Variants in HUWE1 observed in about 807,000 individuals in gnomAD.
The protein encoded by HUWE1 is E3 ubiquitin-protein ligase HUWE1.
In HUWE1, 18 loss-of-function variants were observed where a neutral mutation model predicts 299.4. That is an observed-to-expected ratio of 0.06 (90% confidence interval 0.04 to 0.09). The LOEUF is 0.09. Among genes scored for constraint, HUWE1 ranks in the 10% least tolerant of loss-of-function variants. The pLI is 1.00. For synonymous variants in HUWE1, 1,317 were observed against 1,286.1 expected (o/e 1.02, Z -0.51); for missense variants, 1,832 against 3,462.3 (o/e 0.53, Z 11.82).
At chrX:53,567,461 C>A (rs1192498563) in intron 49 of HUWE1, among the ~76,000 whole-genome samples, 1 of 111,144 alleles carries the variant, frequency 9.0e-6, no homozygotes, top group South Asian at 3.8e-4. Context: ...CATGAAAAGT[C>A]GAGTCCATAA....
At chrX:53,627,549 G>A in intron 16 of HUWE1, 34 bp from the exon 17 acceptor site, 1 of 738,849 alleles carries the variant, frequency 1.4e-6, no homozygotes, top group Non-Finnish European at 2.0e-6. Flanking sequence ...AGAAAATCAA[G>A]TATATATATA....
chrX:53,536,520 T>C lies in HUWE1; in HGVS notation c.12285A>G (p.Pro4095=), dbSNP rs1453838026. 2 of 1,209,174 alleles carry C rather than the reference T, an allele frequency of 1.7e-6. No individual in the cohort carries two copies. The highest frequency in any genetic ancestry group is 3.5e-5 in the African/African-American group (2 of 56,905). The change falls in exon 79 of 84, where the codon CCA becomes CCG. Residue 4095 remains proline, a synonymous_variant. Transcript: ENST00000262854. ...GGTGGTTGGGGTTGCAGTGGGAAGA[T>C]GGATTGATGGTGTAGGTGACTCGAT... ...PGDRVTYTIN[P]SSHCNPNHLS...
intron 32 of HUWE1, 88 bp from the exon 33 acceptor site, chrX:53,592,716 T>C: frequency 4.6e-6 from 3 of 655,806 alleles, no homozygotes; most frequent in Non-Finnish European, 4.9e-6. Flanking sequence ...GGAACAGTCC[T>C]TCCACAACTA....
chrX:53,536,469 G>A lies in HUWE1; in HGVS notation c.12336C>T (p.Arg4112=). ...TGTCATATACAGCTTTGGCCACAATGCGTCCGACAAACTTGAAGTAGCTGA... is the reference window on the plus strand; with the variant it reads ...TGTCATATACAGCTTTGGCCACAATACGTCCGACAAACTTGAAGTAGCTGA... ...NHLSYFKFVG[R]IVAKAVYDNR... Residue 4112 remains arginine, a synonymous_variant, in exon 79 of 84, where the codon CGC becomes CGT. Transcript: ENST00000262854. 2 of 1,210,941 alleles carry A rather than the reference G, an allele frequency of 1.7e-6. No homozygotes were observed. Among genetic ancestry groups the A allele is most frequent in the Non-Finnish European group, 2.2e-6 (2 of 894,888 alleles).
intron 3 of HUWE1, among the ~76,000 whole-genome samples, chrX:53,662,538 C>T (rs1450059766): frequency 6.3e-5 from 7 of 111,862 alleles, no homozygotes; most frequent in African/African-American, 2.3e-4. Flanking sequence ...CAGTTTATTT[C>T]CAATTTCCTT....
intron 19 of HUWE1, among the ~76,000 whole-genome samples, chrX:53,617,655 C>T (rs1418956044): frequency 1.8e-5 from 2 of 111,410 alleles, no homozygotes; most frequent in Middle Eastern, 4.6e-3. Context: ...TTTTTATGGG[C>T]ATATTTTTAC....
intron 25 of HUWE1, among the ~76,000 whole-genome samples, chrX:53,605,993 ACTC>A (rs1297325355): frequency 1.8e-5 from 2 of 111,636 alleles, no homozygotes; most frequent in African/African-American, 6.5e-5. Flanking sequence ...AAGTTATAAA[ACTC>A]CTAGAAGAAG....
chrX:53,554,911 G>A lies in HUWE1; in HGVS notation c.8216C>T (p.Pro2739Leu). The change falls in exon 61 of 84, where the codon CCT becomes CTT. Residue 2739 changes from proline to leucine, a missense_variant. Pro to Leu is a moderately conservative substitution (Grantham distance 98). Transcript: ENST00000262854. ...STEQNLSDGTPMPDSYPTTPS... is the reference protein window; with the variant it reads ...STEQNLSDGTLMPDSYPTTPS... ...GGTTGTTGGGTAGCTGTCAGGCATA[G>A]GCGTCCCATCTTTCTCGGAAAGAAC... is the stretch of plus-strand genomic sequence containing the variant. The A allele has an allele frequency of 8.5e-7, 1 of 1,171,382 alleles. No individual in the cohort carries two copies. Among genetic ancestry groups the A allele is most frequent in the Non-Finnish European group, 1.1e-6 (1 of 873,695 alleles).
At chrX:53,624,154 T>C (rs1461554538) in intron 19 of HUWE1, among the ~76,000 whole-genome samples, 2 of 111,185 alleles carry the variant, frequency 1.8e-5, no homozygotes, top group Non-Finnish European at 3.8e-5. Flanking sequence ...TTGTCTACTG[T>C]CCAGGTAGAC....
At chrX:53,580,263 A>G (rs2063551389) in intron 43 of HUWE1, among the ~76,000 whole-genome samples, 2 of 112,176 alleles carry the variant, frequency 1.8e-5, no homozygotes. Context: ...TTTTATCTGG[A>G]TCCACAGCCC....
intron 13 of HUWE1, 132 bp from the exon 14 acceptor site, chrX:53,629,034 G>T: frequency 3.8e-6 from 2 of 532,850 alleles, no homozygotes; most frequent in Non-Finnish European, 6.2e-6. Context: ...ATGGAGGTCT[G>T]TTGAGAGCAA....
chrX:53,542,758 G>A, intron 73 of HUWE1: 1 of 419,722 alleles, frequency 2.4e-6, no homozygotes, highest in East Asian at 4.2e-5. Context: ...ACAGCTCCTT[G>A]GATGCTTACA....
intron 23 of HUWE1, among the ~76,000 whole-genome samples, chrX:53,614,055 G>A (rs1277355999): frequency 9.0e-6 from 1 of 110,917 alleles, no homozygotes; most frequent in African/African-American, 3.3e-5. Context: ...ACCTGACGTC[G>A]GGAGTTTGAG....
intron 78 of HUWE1, among the ~76,000 whole-genome samples, chrX:53,536,942 G>C (rs1320001014): frequency 4.5e-5 from 5 of 112,276 alleles, no homozygotes; most frequent in African/African-American, 1.6e-4. Flanking sequence ...ATGAGGCCTT[G>C]CTTAGGTGAA....
At chrX:53,614,934 A>C (rs893596731) in intron 22 of HUWE1, among the ~76,000 whole-genome samples, 189 bp from the exon 23 acceptor site, 1 of 111,033 alleles carries the variant, frequency 9.0e-6, no homozygotes, top group Non-Finnish European at 1.9e-5. Flanking sequence ...GAAGTGCTGC[A>C]AACTTAAATA....
chrX:53,589,415 G>A (rs1011418681), intron 36 of HUWE1, 132 bp downstream of exon 36: 5 of 636,492 alleles, frequency 7.9e-6, no homozygotes, highest in African/African-American at 6.5e-5. Flanking sequence ...TTACCAGATC[G>A]AAAGAATCCA....
intron 9 of HUWE1, 99 bp from the exon 10 acceptor site, chrX:53,631,713 A>C: frequency 6.7e-6 from 4 of 593,441 alleles, no homozygotes; most frequent in Non-Finnish European, 1.2e-5. Context: ...CCAAGATGTC[A>C]CCTAATAGGC....
chrX:53,598,091 C>T (rs1182284423), intron 29 of HUWE1, among the ~76,000 whole-genome samples: 2 of 111,678 alleles, frequency 1.8e-5, no homozygotes, highest in African/African-American at 6.5e-5. Flanking sequence ...ATAAACACCA[C>T]ACCAGAGCAA....
rs1351146606 is a variant in HUWE1, at chrX:53,546,470, G to A, written c.10881C>T (p.Ala3627=). Residue 3627 remains alanine, a synonymous_variant, in exon 70 of 84, where the codon GCC becomes GCT. Coordinates refer to ENST00000262854, the MANE Select transcript of HUWE1 (RefSeq NM_031407.7). ...TACAAAGGGTATAACCCAGATGGCG[G>A]GCTCCATTCAGTAGCAGCTTGAGAA... is the stretch of plus-strand genomic sequence containing the variant. The part of the protein sequence containing the change: ...DTVLKLLLNG[A]RHLGYTLCKQ... The A allele has an allele frequency of 9.1e-6, 11 of 1,208,957 alleles. No homozygotes were observed. Among genetic ancestry groups the A allele is most frequent in the South Asian group, 8.8e-5 (5 of 56,596 alleles).
Sources: allele counts gnomAD v4.1 joint callset (sites outside exome capture counted in the v4.1 genomes callset), GRCh38; gene constraint gnomAD v4.1.1; transcripts MANE v1.5; gene names NCBI Gene and HGNC (gene_info 2026-07-23, HGNC 2026-07-21).